Variants in CLIP2 observed in about 807,000 individuals in gnomAD.
CLIP2 encodes the protein CAP-Gly domain containing linker protein 2, also known as CAP-Gly domain-containing linker protein 2.
CLIP2 carries 41 observed loss-of-function variants against 111.7 expected under a neutral mutation model. The ratio of observed to expected loss-of-function variants is 0.37; its 90% CI spans 0.29 to 0.48. The LOEUF (loss-of-function observed/expected upper bound fraction) is 0.48, where lower values mean the gene tolerates loss of function less well. Among genes scored for constraint, CLIP2 ranks in the 20% least tolerant of loss-of-function variants. CLIP2 has a pLI of 0.99. For synonymous variants in CLIP2, 660 were observed against 644.2 expected (o/e 1.02, Z -0.37); for missense variants, 1,160 against 1,422.1 (o/e 0.82, Z 2.96).
chr7:74,323,515 C>T (rs1267448265), intron 2 of CLIP2, among the ~76,000 whole-genome samples: 1 of 151,594 alleles, frequency 6.6e-6, no homozygotes, highest in African/African-American at 2.4e-5. Flanking sequence ...GCAACCTCCA[C>T]CTCCTGGGTT....
intron 1 of CLIP2, among the ~76,000 whole-genome samples, chr7:74,298,872 AG>A (rs1422671797): frequency 6.6e-6 from 1 of 152,144 alleles, no homozygotes; most frequent in Non-Finnish European, 1.5e-5. Flanking sequence ...TAAGTAAAAA[AG>A]TTGCGCCCAG....
chr7:74,394,310 G>T (rs188679248), intron 13 of CLIP2, among the ~76,000 whole-genome samples: 105 of 148,478 alleles, frequency 7.1e-4, no homozygotes, highest in Middle Eastern at 3.5e-3. Context: ...GAGTGCAGTG[G>T]CACAATCTCT....
At chr7:74,324,888 C>A (rs1554730497) in intron 2 of CLIP2, among the ~76,000 whole-genome samples, 20 of 151,944 alleles carry the variant, frequency 1.3e-4, no homozygotes. Context: ...ACGGTCCCCC[C>A]AGTCCTGTTG....
chr7:74,355,971 G>T (rs567248669), intron 4 of CLIP2, among the ~76,000 whole-genome samples: 1 of 152,176 alleles, frequency 6.6e-6, no homozygotes, highest in Admixed American at 6.6e-5. Flanking sequence ...AAGCTTAGCG[G>T]GTGTTGGAGC....
chr7:74,386,675 G>A (rs1791111266), intron 12 of CLIP2, 71 bp downstream of exon 12: 2 of 1,257,336 alleles, frequency 1.6e-6, no homozygotes, highest in Non-Finnish European at 2.2e-6. Context: ...TGCCAATTAA[G>A]CATGGAGTGG....
chr7:74,367,564 G>A (rs559654611), intron 8 of CLIP2, among the ~76,000 whole-genome samples: 3 of 152,062 alleles, frequency 2.0e-5, no homozygotes, highest in South Asian at 4.2e-4. Context: ...GAGCTCAAGC[G>A]ATCCTCCCAC....
chr7:74,290,235 C>T (rs562200874), intron 1 of CLIP2, among the ~76,000 whole-genome samples: 25 of 152,362 alleles, frequency 1.6e-4, no homozygotes, highest in African/African-American at 5.3e-4. Context: ...CCTCTCCTCC[C>T]TGCTACACCC....
At chr7:74,293,314 C>G (rs782268360) in intron 1 of CLIP2, among the ~76,000 whole-genome samples, 2 of 152,190 alleles carry the variant, frequency 1.3e-5, no homozygotes, top group East Asian at 1.9e-4. Context: ...TCTGGCTTTC[C>G]TCTCTGTGGA....
chr7:74,374,645 G>T (rs1029662407), intron 9 of CLIP2, among the ~76,000 whole-genome samples: 2 of 151,982 alleles, frequency 1.3e-5, no homozygotes, highest in Admixed American at 6.6e-5. Flanking sequence ...CATTTGAACC[G>T]GGGAGGTGGA....
intron 3 of CLIP2, among the ~76,000 whole-genome samples, chr7:74,352,144 T>G (rs576746473): frequency 6.6e-6 from 1 of 152,148 alleles, no homozygotes; most frequent in African/African-American, 2.4e-5. Flanking sequence ...CTATTAAAAC[T>G]AGGCAGACAG....
At chr7:74,300,061 A>G (rs1198779610) in intron 1 of CLIP2, among the ~76,000 whole-genome samples, 4 of 151,140 alleles carry the variant, frequency 2.6e-5, no homozygotes, top group Non-Finnish European at 4.4e-5. Context: ...ATCTCAGCTC[A>G]CTGCAACCTC....
Position 74,353,887 on chromosome 7 carries a change from G to A in CLIP2, c.686G>A (p.Gly229Glu). The A allele has an allele frequency of 6.2e-7, 1 of 1,614,174 alleles. No individual in the cohort carries two copies. The highest frequency in any genetic ancestry group is 8.5e-7 in the Non-Finnish European group (1 of 1,180,018). The part of the protein sequence containing the change: ...LRLGDRVLVG[G>E]TKTGVVRYVG... The stretch of plus-strand genomic sequence containing the variant: ...CTCCCTGTGTGCCGACAGGTTGGCG[G>A]GACGAAGACTGGCGTGGTGCGGTAC... Residue 229 changes from glycine to glutamate, a missense_variant, in exon 4 of 17, where the codon GGG (glycine) becomes GAG (glutamate). Gly to Glu is a moderately conservative substitution (Grantham distance 98, BLOSUM62 -2). This residue lies in a region of CLIP2 where 110 missense variants were observed against 185.2 expected (regional missense o/e 0.59). Coordinates refer to ENST00000223398, the MANE Select transcript of CLIP2 (RefSeq NM_003388.5).
intron 13 of CLIP2, 73 bp downstream of exon 13, chr7:74,389,332 A>G (rs1554315397): frequency 1.4e-6 from 2 of 1,408,952 alleles, no homozygotes; most frequent in African/African-American, 1.5e-5. Flanking sequence ...ACATTAGCTC[A>G]TGTTATCTTG....
intron 1 of CLIP2, among the ~76,000 whole-genome samples, chr7:74,305,556 C>G (rs1788455013): frequency 2.0e-5 from 3 of 152,132 alleles, no homozygotes; most frequent in South Asian, 4.1e-4. Context: ...TGCAATGGCA[C>G]CATCTCAGCT....
At position 74,397,116 on chromosome 7, in the gene CLIP2, T is replaced by C; in HGVS notation, c.2763T>C (p.Arg921=). ...GGGTGTTGCTGCTGGAGGCCAATCG[T>C]CACTCCCCAGGGCCGGAGAGGGACC... ...ELRVLLLEAN[R]HSPGPERDLS... is the part of the protein sequence containing the mutation. The change falls in exon 14 of 17, where the codon CGT becomes CGC. Residue 921 remains arginine, a synonymous_variant. Transcript: ENST00000223398. 1.2e-6 allele frequency: 2 copies of C among 1,613,692 alleles called. No individual in the cohort carries two copies. Among genetic ancestry groups the C allele is most frequent in the Non-Finnish European group, 8.5e-7 (1 of 1,179,906 alleles).
chr7:74,327,352 C>T (rs1456339419), intron 2 of CLIP2, among the ~76,000 whole-genome samples: 2 of 152,182 alleles, frequency 1.3e-5, no homozygotes, highest in Admixed American at 6.6e-5. Context: ...ATCCACCTGC[C>T]TCGGCCTCCC....
chr7:74,300,038 G>A (rs1302488116), intron 1 of CLIP2, among the ~76,000 whole-genome samples: 1 of 150,658 alleles, frequency 6.6e-6, no homozygotes, highest in Non-Finnish European at 1.5e-5. Flanking sequence ...CCAGGTTGGA[G>A]TGCAGTGGCA....
intron 2 of CLIP2, among the ~76,000 whole-genome samples, chr7:74,329,927 G>C (rs966101621): frequency 5.3e-5 from 8 of 152,000 alleles, no homozygotes; most frequent in Non-Finnish European, 1.2e-4. Flanking sequence ...TTACAAGCGC[G>C]CGCCACCACA....
intron 1 of CLIP2, among the ~76,000 whole-genome samples, chr7:74,290,484 C>T (rs1175874079): frequency 6.6e-6 from 1 of 152,232 alleles, no homozygotes; most frequent in African/African-American, 2.4e-5. Context: ...GAGCTTGGGC[C>T]GAGCGGGTGC....
Sources: gnomAD v4.1 joint callset for allele counts (sites outside exome capture counted in the v4.1 genomes callset) on GRCh38, gnomAD v4.1.1 for gene constraint, gnomAD v4.1.1 regional missense constraint, MANE v1.5 for transcripts, NCBI Gene and HGNC (gene_info 2026-07-23, HGNC 2026-07-21) for gene names.